Variants in ZDHHC23 observed in about 807,000 individuals in gnomAD.
The protein encoded by ZDHHC23 is palmitoyltransferase ZDHHC23.
A neutral mutation model predicts 40.2 loss-of-function variants in ZDHHC23; 41 were observed. The ratio of observed to expected loss-of-function variants is 1.02; its 90% CI spans 0.79 to 1.32. The LOEUF is 1.32. Ranked by LOEUF, ZDHHC23 falls within the 40% of genes most tolerant of loss-of-function variation. The pLI is 0.00. For missense variants in ZDHHC23, 471 were observed against 541.5 expected (o/e 0.87, Z 1.29); for synonymous variants, 204 against 210.2 (o/e 0.97, Z 0.26).
Position 113,958,990 on chromosome 3 carries a change from T to A in ZDHHC23, c.*360T>A, listed in dbSNP as rs1454877137. ...AGTTTCTAGTCCCTCTTTCGATTCT[T>A]AATAGCCATGTGACCCCTAGCTGAG... On this transcript the variant is annotated 3_prime_UTR_variant, in exon 5 of 5. Transcript: ENST00000638807. The A allele has an allele frequency of 3.5e-5, 41 of 1,164,608 alleles. No individual in the cohort carries two copies. Among genetic ancestry groups the A allele is most frequent in the Non-Finnish European group, 4.3e-5 (40 of 920,674 alleles). The allele number at this position is 1,164,608 out of a possible 1,614,324, so 72.1% of individuals were successfully genotyped here.
At chr3:113,977,769 C>T in the ZDHHC23 span, among the ~76,000 whole-genome samples, 1 of 152,038 alleles carries the variant, frequency 6.6e-6, no homozygotes, top group Non-Finnish European at 1.5e-5. Context: ...TACAGTCATT[C>T]GTTAAGCTGT....
downstream of ZDHHC23, chr3:113,965,277 G>C: frequency 6.2e-7 from 1 of 1,612,422 alleles, no homozygotes. Flanking sequence ...CGAAGTTGCT[G>C]TCGCCTTTCT....
At chr3:113,955,160 A>G (rs937877581) in intron 3 of ZDHHC23, among the ~76,000 whole-genome samples, 1 of 152,192 alleles carries the variant, frequency 6.6e-6, no homozygotes, top group Non-Finnish European at 1.5e-5. Context: ...TTTCGTGTCT[A>G]GGATTCTGGT....
chr3:113,973,851 T>G, the ZDHHC23 span, among the ~76,000 whole-genome samples: 381 of 152,076 alleles, frequency 2.5e-3, 5 homozygotes, highest in African/African-American at 8.1e-3. Flanking sequence ...TTTCCTATTT[T>G]TATTTCTTTG....
chr3:113,948,485 C>T (rs1045218441), intron 1 of ZDHHC23: 9 of 289,436 alleles, frequency 3.1e-5, no homozygotes, highest in South Asian at 6.1e-5. Flanking sequence ...GCCCGCGCCC[C>T]GGCTGTCCCG....
intron 2 of ZDHHC23, 85 bp from the exon 3 acceptor site, chr3:113,953,615 C>T: frequency 8.4e-7 from 1 of 1,193,914 alleles, no homozygotes; most frequent in Non-Finnish European, 1.2e-6. Context: ...TATCGTTTAT[C>T]CCACTGTTTG....
chr3:113,975,899 A>G, the ZDHHC23 span, among the ~76,000 whole-genome samples: 1 of 152,212 alleles, frequency 6.6e-6, no homozygotes, highest in Non-Finnish European at 1.5e-5. Context: ...TGTTGATTGC[A>G]TGGATTCCTA....
chr3:113,956,248 A>G (rs1472972877), intron 3 of ZDHHC23, 91 bp from the exon 4 acceptor site: 2 of 1,422,386 alleles, frequency 1.4e-6, no homozygotes, highest in Non-Finnish European at 9.6e-7. Flanking sequence ...CTCCGTCTCA[A>G]AAAAAATAAA....
At position 113,959,462 on chromosome 3, in the gene ZDHHC23, T is replaced by G; in HGVS notation, c.*832T>G. On this transcript the variant is annotated 3_prime_UTR_variant, in exon 5 of 5. Transcript: ENST00000638807. ...TATATTTTATAAATTCTGCTTGGGTTTCTTATAAATAACTCCAACAGGCAT... is the reference window on the plus strand; with the variant it reads ...TATATTTTATAAATTCTGCTTGGGTGTCTTATAAATAACTCCAACAGGCAT... 1 of 1,258,182 alleles carries G rather than the reference T, an allele frequency of 7.9e-7. No homozygotes were observed. Among genetic ancestry groups the G allele is most frequent in the Non-Finnish European group, 1.0e-6 (1 of 964,168 alleles). 77.9% of individuals were successfully genotyped at this position (1,258,182 alleles called of 1,614,324 possible). A position where few individuals can be genotyped will look rare whatever the true frequency, so the allele number is the denominator to read the frequency against.
At chr3:113,978,435 A>C in the ZDHHC23 span, 1 of 1,155,842 alleles carries the variant, frequency 8.7e-7, no homozygotes, top group Non-Finnish European at 1.2e-6. Flanking sequence ...AAAGAAACAA[A>C]TGACACTAGA....
chr3:113,975,912 T>C, the ZDHHC23 span, among the ~76,000 whole-genome samples: 3 of 152,202 alleles, frequency 2.0e-5, no homozygotes, highest in Admixed American at 6.5e-5. Flanking sequence ...GATTCCTACA[T>C]TGATTTCACA....
rs139812728 is a variant in ZDHHC23 at position 113,948,374 on chromosome 3, C to T, written c.-118+184C>T. On this transcript the variant is annotated intron_variant, in intron 1 of 4. Coordinates refer to ENST00000638807, the MANE Select transcript of ZDHHC23 (RefSeq NM_001320466.2). ...AGCCGCTGCTAGCGGGCATATGCTT[C>T]GCCTTTCCCTATAGCCCCGAGGCTG... 711 of 172,116 alleles carry T rather than the reference C, an allele frequency of 4.1e-3. 8 individuals carry two copies. The highest frequency in any genetic ancestry group is 0.016 in the African/African-American group (677 of 42,028). 10.7% of individuals were successfully genotyped at this position (172,116 alleles called of 1,614,324 possible).
the ZDHHC23 span, among the ~76,000 whole-genome samples, chr3:113,975,540 T>C: frequency 6.6e-6 from 1 of 152,386 alleles, no homozygotes; most frequent in South Asian, 2.1e-4. Context: ...CGCTGTCATA[T>C]ACTGAGAACA....
chr3:113,955,469 G>A (rs1939124058), intron 3 of ZDHHC23, among the ~76,000 whole-genome samples: 1 of 151,954 alleles, frequency 6.6e-6, no homozygotes, highest in Non-Finnish European at 1.5e-5. Flanking sequence ...GGAGCATCCT[G>A]GCATGCAGTG....
rs750919477 is a variant in ZDHHC23 at position 113,960,706 on chromosome 3, C to T, written c.*2076C>T. The stretch of plus-strand genomic sequence containing the variant: ...GAATGATGACAATTTTTTTTAACAA[C>T]TTACCTCTAATAGGGTTACTTGGAT... On this transcript the variant is annotated 3_prime_UTR_variant, in exon 5 of 5. Transcript: ENST00000638807. The T allele has an allele frequency of 1.1e-5, 18 of 1,604,392 alleles. No individual in the cohort carries two copies. In the African/African-American group the frequency reaches 1.6e-4, roughly 14 times the overall value.
rs1245667758 is a variant in ZDHHC23, at chr3:113,960,470, AG to A, written c.*1842del. ...CATAAGAGAGACAGTAATAATGTCA[AG>A]GATAGCCTGTGTGGGCAGAAATTGG... On this transcript the variant is annotated 3_prime_UTR_variant, in exon 5 of 5. Transcript: ENST00000638807. The A allele has an allele frequency of 2.9e-6, 4 of 1,388,406 alleles. No homozygotes were observed. In the African/African-American group the frequency reaches 4.5e-5, roughly 16 times the overall value. The allele number at this position is 1,388,406 out of a possible 1,614,324, so 86.0% of individuals were successfully genotyped here.
At chr3:113,965,052 T>G, downstream of ZDHHC23, 1 of 599,278 alleles carries the variant, frequency 1.7e-6, no homozygotes, top group Non-Finnish European at 2.8e-6. Flanking sequence ...AAGTAGCTCG[T>G]AGAGAATAAA....
chr3:113,965,331 A>G (rs1156402686), downstream of ZDHHC23: 2 of 1,609,148 alleles, frequency 1.2e-6, no homozygotes, highest in Admixed American at 1.7e-5. Flanking sequence ...AACTTCTTCC[A>G]TGTCCGAAGG....
chr3:113,958,608 A>ACCCTGCCG lies in ZDHHC23; in HGVS notation c.1287_1294dup (p.Glu432AlafsTer18). On this transcript the variant is annotated frameshift_variant, in exon 5 of 5. Transcript: ENST00000638807. LOFTEE classifies it high-confidence loss of function. ...ACCCTGGGCACACGTGCATTCCACC[A>ACCCTGCCG]CCCTGCCGAGGACATTGTCTGAAGT... is the stretch of plus-strand genomic sequence containing the variant. 6.2e-7 allele frequency: 1 copy of ACCCTGCCG among 1,600,288 alleles called. No individual in the cohort carries two copies. The highest frequency in any genetic ancestry group is 8.5e-7 in the Non-Finnish European group (1 of 1,178,760).
Sources: gnomAD v4.1 joint callset for allele counts (sites outside exome capture counted in the v4.1 genomes callset) on GRCh38, gnomAD v4.1.1 for gene constraint, MANE v1.5 for transcripts, NCBI Gene and HGNC (gene_info 2026-07-23, HGNC 2026-07-21) for gene names.